Variants in MFSD6 observed in about 807,000 individuals in gnomAD.
MFSD6 encodes major facilitator superfamily domain-containing protein 6.
In MFSD6, 26 loss-of-function variants were observed where a neutral mutation model predicts 56.3. The observed-to-expected ratio is 0.46, with a 90% CI of 0.34 to 0.64. The LOEUF (loss-of-function observed/expected upper bound fraction) is 0.64. Ranked by LOEUF, MFSD6 falls within the 30% of genes least tolerant of loss-of-function variation. The pLI is 0.01. For synonymous variants in MFSD6, 331 were observed against 366.9 expected, an observed-to-expected ratio of 0.90 and a Z score of 1.12; for missense variants, 750 against 986.2, an observed-to-expected ratio of 0.76 and a Z score of 3.21.
rs1687892946 is a variant in MFSD6 at position 190,471,054 on chromosome 2, G to A, written c.1630+1199G>A. ...TTTCTAATAATTAGAACTCTGGAAGGGTCTTGAGGGGAGGCACACATCTCA... is the reference window on the plus strand; with the variant it reads ...TTTCTAATAATTAGAACTCTGGAAGAGTCTTGAGGGGAGGCACACATCTCA... On this transcript the variant is annotated intron_variant, in intron 4 of 7. Coordinates refer to ENST00000392328, the MANE Select transcript of MFSD6 (RefSeq NM_017694.4). This position sits in a 1 kb window ranked among gnomAD's most constrained non-coding sequence, Gnocchi z 4.7. Among the ~76,000 whole-genome samples the A allele has an allele frequency of 6.6e-6, 1 of 152,102 alleles. No homozygotes were observed. The highest frequency in any genetic ancestry group is 2.4e-5 in the African/African-American group (1 of 41,410).
intron 3 of MFSD6, among the ~76,000 whole-genome samples, chr2:190,449,354 G>C (rs1291397046): frequency 1.3e-5 from 2 of 151,972 alleles, no homozygotes; most frequent in East Asian, 3.9e-4. Context: ...GGCACTTGTA[G>C]TCCCAGCTAC....
At chr2:190,478,792 C>G (rs759719306) in intron 4 of MFSD6, among the ~76,000 whole-genome samples, 3 of 151,572 alleles carry the variant, frequency 2.0e-5, no homozygotes, top group Non-Finnish European at 4.4e-5. Flanking sequence ...TCAGCACTTC[C>G]GTTTTTTGGT....
rs577595643 is a variant in MFSD6 at position 190,415,273 on chromosome 2, T to A, written c.-175-19T>A. 6.6e-6 allele frequency: 1 copy of A among 152,352 alleles called. No homozygotes were observed. Among genetic ancestry groups the A allele is most frequent in the South Asian group, 2.1e-4 (1 of 4,830 alleles). 9.4% of individuals were successfully genotyped at this position (152,352 alleles called of 1,614,324 possible). A position where few individuals can be genotyped will look rare whatever the true frequency, so the allele number is the denominator to read the frequency against. On this transcript the variant is annotated intron_variant, in intron 1 of 7. Coordinates refer to ENST00000392328, the MANE Select transcript of MFSD6 (RefSeq NM_017694.4). This position sits in a 1 kb window ranked among gnomAD's most constrained non-coding sequence, Gnocchi z 4.5. Reference sequence around the variant, plus strand: ...TGTATGTTAAAGTATCTATCTTTTTTATTTTTATTTATTTACAGACAGGAT... The same window carrying A: ...TGTATGTTAAAGTATCTATCTTTTTAATTTTTATTTATTTACAGACAGGAT...
At position 190,491,496 on chromosome 2, in the gene MFSD6, C is replaced by T. The variant is rs1029928228; in HGVS notation, c.1891+1630C>T. Among the ~76,000 whole-genome samples the T allele has an allele frequency of 2.0e-5, 3 of 152,196 alleles. No homozygotes were observed. The highest frequency in any genetic ancestry group is 7.2e-5 in the African/African-American group (3 of 41,450). On this transcript the variant is annotated intron_variant, in intron 6 of 7. Coordinates refer to ENST00000392328, the MANE Select transcript of MFSD6 (RefSeq NM_017694.4). The surrounding 1 kb of genome is among the most constrained non-coding windows in gnomAD (Gnocchi z 4.2). ...TTCACATCACAGGACTCTATGCAGA[C>T]AACCCCAGTACCAGCCTGGAGCCTG... is the stretch of plus-strand genomic sequence containing the variant.
In MFSD6 at chr2:190,467,388, G is replaced by A. The variant is rs1449117275; in HGVS notation, c.1533-2370G>A. 2.6e-5 allele frequency among the ~76,000 whole-genome samples: 4 copies of A among 152,166 alleles called. No homozygotes were observed. The highest frequency in any genetic ancestry group is 1.3e-4 in the Admixed American group (2 of 15,286). On this transcript the variant is annotated intron_variant, in intron 3 of 7. Transcript: ENST00000392328. This position sits in a 1 kb window ranked among gnomAD's most constrained non-coding sequence, Gnocchi z 5.5. ...AGCATTTTGGGAGGCCGAGGTGGGCGGACTACCTGAGGTCAGGAGTTTGAG... is the reference window on the plus strand; with the variant it reads ...AGCATTTTGGGAGGCCGAGGTGGGCAGACTACCTGAGGTCAGGAGTTTGAG...
In MFSD6 at chr2:190,424,336, T is replaced by C. The variant is rs894120476; in HGVS notation, c.-54+8923T>C. ...AGGTATAAGACTTAGTTTGAGGTTATTTATTTATTTTTTTTTCAGACAGAG... is the reference window on the plus strand; with the variant it reads ...AGGTATAAGACTTAGTTTGAGGTTACTTATTTATTTTTTTTTCAGACAGAG... On this transcript the variant is annotated intron_variant, in intron 2 of 7. Transcript: ENST00000392328. The surrounding 1 kb of genome is among the most constrained non-coding windows in gnomAD (Gnocchi z 5.9). 3.9e-5 allele frequency among the ~76,000 whole-genome samples: 6 copies of C among 151,946 alleles called. No homozygotes were observed. Among genetic ancestry groups the C allele is most frequent in the Non-Finnish European group, 5.9e-5 (4 of 68,010 alleles).
At position 190,465,225 on chromosome 2, in the gene MFSD6, T is replaced by G. The variant is rs1312503295; in HGVS notation, c.1533-4533T>G. Among the ~76,000 whole-genome samples, 1 of 152,216 alleles carries G rather than the reference T, an allele frequency of 6.6e-6. No homozygotes were observed. The highest frequency in any genetic ancestry group is 1.9e-4 in the East Asian group (1 of 5,202). On this transcript the variant is annotated intron_variant, in intron 3 of 7. Coordinates refer to ENST00000392328, the MANE Select transcript of MFSD6 (RefSeq NM_017694.4). This position sits in a 1 kb window ranked among gnomAD's most constrained non-coding sequence, Gnocchi z 4.6. The stretch of plus-strand genomic sequence containing the variant: ...TTGGGTTTTCCACAGGGTAGTGTTT[T>G]CTGCTGCATCATTTGCTTCTTATCA...
In MFSD6 at chr2:190,488,784, T is replaced by G; in HGVS notation, c.1758T>G (p.Gly586=). The G allele has an allele frequency of 1.9e-6, 3 of 1,602,334 alleles. No individual in the cohort carries two copies. Among genetic ancestry groups the G allele is most frequent in the Non-Finnish European group, 2.6e-6 (3 of 1,175,308 alleles). Residue 586 remains glycine, a synonymous_variant, in exon 5 of 8, where the codon GGT becomes GGG. Transcript: ENST00000392328. The surrounding 1 kb of genome is among the most constrained non-coding windows in gnomAD (Gnocchi z 6.4). ...GLHLGLGRGC[G]AMIGGVLVNY... ...ACCTGGGTTTGGGAAGAGGATGTGG[T>G]GCCATGATCGGAGGCGTGTTAGTCA...
chr2:190,407,997 T>G (rs537248516), upstream of MFSD6, among the ~76,000 whole-genome samples: 6 of 152,118 alleles, frequency 3.9e-5, no homozygotes, highest in Non-Finnish European at 8.8e-5. The surrounding 1 kb of genome is among the most constrained non-coding windows in gnomAD (Gnocchi z 5.4). Context: ...GCGGTAGGGA[T>G]GGAGCCTCGC....
chr2:190,422,084 G>T (rs1360410334), intron 2 of MFSD6, among the ~76,000 whole-genome samples: 1 of 152,152 alleles, frequency 6.6e-6, no homozygotes, highest in African/African-American at 2.4e-5. Flanking sequence ...GAGACATGTA[G>T]TAAACTGCAT....
At chr2:190,422,698 G>T (rs1685664957) in intron 2 of MFSD6, among the ~76,000 whole-genome samples, 1 of 152,152 alleles carries the variant, frequency 6.6e-6, no homozygotes, top group South Asian at 2.1e-4. Context: ...TTTATTCATT[G>T]TGTTAGGTAC....
At chr2:190,480,344 G>A (rs1396997246) in intron 4 of MFSD6, among the ~76,000 whole-genome samples, 1 of 152,002 alleles carries the variant, frequency 6.6e-6, no homozygotes, top group Non-Finnish European at 1.5e-5. Context: ...AATGCTTGTT[G>A]TTTAATTCAT....
rs761935842 is a variant in MFSD6 at position 190,499,886 on chromosome 2, A to G, written c.2173-129A>G. ...GACATTCTATCCTTATTCCTCTATT[A>G]CTTGGTCCCTGAAATGGGCACTTCC... On this transcript the variant is annotated intron_variant, in intron 7 of 7. Transcript: ENST00000392328. The surrounding 1 kb of genome is among the most constrained non-coding windows in gnomAD (Gnocchi z 6.0). 5.8e-6 allele frequency: 9 copies of G among 1,560,282 alleles called. No individual in the cohort carries two copies. Among genetic ancestry groups the G allele is most frequent in the Non-Finnish European group, 6.1e-6 (7 of 1,151,174 alleles).
rs546550151 is a variant in MFSD6, at chr2:190,500,305, C to T, written c.*87C>T. ...AGGCCCCCCAGCCAGGATATGCCTC[C>T]CCTGGAGGAGCACAGCACTGCATAT... On this transcript the variant is annotated 3_prime_UTR_variant, in exon 8 of 8. Transcript: ENST00000392328. The surrounding 1 kb of genome is among the most constrained non-coding windows in gnomAD (Gnocchi z 5.3). The T allele has an allele frequency of 2.1e-6, 3 of 1,411,658 alleles. No individual in the cohort carries two copies. The highest frequency in any genetic ancestry group is 1.4e-5 in the African/African-American group (1 of 70,804). 87.4% of individuals were successfully genotyped at this position (1,411,658 alleles called of 1,614,324 possible).
At chr2:190,484,954 A>C (rs1207211831) in intron 4 of MFSD6, among the ~76,000 whole-genome samples, 1 of 152,122 alleles carries the variant, frequency 6.6e-6, no homozygotes, top group Non-Finnish European at 1.5e-5. Flanking sequence ...CCTTCACTTA[A>C]TTCCCTGAGT....
chr2:190,481,892 T>C (rs1325577570), intron 4 of MFSD6, among the ~76,000 whole-genome samples: 2 of 152,216 alleles, frequency 1.3e-5, no homozygotes, highest in Non-Finnish European at 2.9e-5. Context: ...GTGGAAGGTG[T>C]ATTGCTGTTA....
rs1309699017 is a variant in MFSD6 at position 190,417,995 on chromosome 2, TGTGTGTATGTGA to T, written c.-54+2584_-54+2595del. Among the ~76,000 whole-genome samples, 1 of 150,742 alleles carries T rather than the reference TGTGTGTATGTGA, an allele frequency of 6.6e-6. No homozygotes were observed. Among genetic ancestry groups the T allele is most frequent in the Non-Finnish European group, 1.5e-5 (1 of 67,580 alleles). On this transcript the variant is annotated intron_variant, in intron 2 of 7. Coordinates refer to ENST00000392328, the MANE Select transcript of MFSD6 (RefSeq NM_017694.4). The surrounding 1 kb of genome is among the most constrained non-coding windows in gnomAD (Gnocchi z 5.7). ...GTGTGTGTGTGTGTGTGTGTGTGTG[TGTGTGTATGTGA>T]GAGAGAGAGAGATGTGGTTTATCAT...
chr2:190,480,678 A>C (rs116695612), intron 4 of MFSD6, among the ~76,000 whole-genome samples: 36 of 152,342 alleles, frequency 2.4e-4, no homozygotes, highest in Admixed American at 6.5e-4. Flanking sequence ...TCTGGGTTTG[A>C]ATTCTAACTC....
chr2:190,474,659 C>A (rs1182120055), intron 4 of MFSD6, among the ~76,000 whole-genome samples: 1 of 152,198 alleles, frequency 6.6e-6, no homozygotes. Flanking sequence ...TGGTACCATT[C>A]CTTCTGAAAC....
Sources: gnomAD v4.1 joint callset for allele counts (sites outside exome capture counted in the v4.1 genomes callset) on GRCh38, gnomAD v4.1.1 for gene constraint, Gnocchi (gnomAD v3.1) non-coding constraint, MANE v1.5 for transcripts, NCBI Gene and HGNC (gene_info 2026-07-23, HGNC 2026-07-21) for gene names.